The following CPED1 variants were observed in gnomAD, a reference collection of about 807,000 sequenced individuals.
The protein encoded by CPED1 is cadherin like and PC-esterase domain containing 1.
CPED1 carries 114 observed loss-of-function variants against 128.2 expected under a neutral mutation model. The ratio of observed to expected loss-of-function variants is 0.89; its 90% CI spans 0.76 to 1.04. CPED1 has a LOEUF of 1.04. Ranked by LOEUF, CPED1 falls within the 50% of genes least tolerant of loss-of-function variation. The pLI is 0.00. For missense variants in CPED1, 1,211 were observed against 1,207.1 expected (o/e 1.00, Z -0.05); for synonymous variants, 462 against 426.7 (o/e 1.08, Z -1.02).
rs542257360 is a variant in CPED1 at position 121,067,965 on chromosome 7, G to T, written c.616+3652G>T. On this transcript the variant is annotated intron_variant, in intron 5 of 22. Transcript: ENST00000310396. ...TGCCCACTTTTCGATGGGGTTGTTT[G>T]TTTTTTTCTTGTAAATTTGTTTGAG... 1.2e-4 allele frequency among the ~76,000 whole-genome samples: 18 copies of T among 152,134 alleles called. No individual in the cohort carries two copies. In the South Asian group the frequency reaches 3.3e-3, roughly 28 times the overall value.
chr7:121,121,124 C>T lies in CPED1; in HGVS notation c.919-3207C>T, dbSNP rs185051727. ...GGGAGGATGGAGAGAAATAATGAGG[C>T]GGAACCCAGAACATAACATGGGAGG... On this transcript the variant is annotated intron_variant, in intron 7 of 22. Coordinates refer to ENST00000310396, the MANE Select transcript of CPED1 (RefSeq NM_024913.5). 1.2e-3 allele frequency among the ~76,000 whole-genome samples: 182 copies of T among 152,040 alleles called. 2 individuals are homozygous for T. Among genetic ancestry groups the T allele is most frequent in the Non-Finnish European group, 2.5e-4 (17 of 67,968 alleles).
At chr7:121,016,304 C>A (rs1408169584) in intron 3 of CPED1, among the ~76,000 whole-genome samples, 1 of 151,982 alleles carries the variant, frequency 6.6e-6, no homozygotes, top group Non-Finnish European at 1.5e-5. Context: ...TCATATGTAC[C>A]ATTAGTATAT....
intron 5 of CPED1, among the ~76,000 whole-genome samples, chr7:121,067,621 A>G (rs148045031): frequency 0.06 from 9,088 of 152,266 alleles, 326 homozygotes; most frequent in Middle Eastern, 0.12. Context: ...TCCTTTGGGT[A>G]TATACCCAGT....
At chr7:121,104,147 A>G (rs571609347) in intron 7 of CPED1, among the ~76,000 whole-genome samples, 13 of 151,926 alleles carry the variant, frequency 8.6e-5, no homozygotes, top group Admixed American at 1.3e-4. Context: ...AATCAACTCT[A>G]TTTGTTGCTG....
rs1394848746 is a variant in CPED1, at chr7:121,140,216, A to G, written c.1700-611A>G. Reference sequence around the variant, plus strand: ...TATTCTAGATTCTATGACAGGATGGAGCAGAGGATAGTATGTCCTTCTTAT... The same window carrying G: ...TATTCTAGATTCTATGACAGGATGGGGCAGAGGATAGTATGTCCTTCTTAT... On this transcript the variant is annotated intron_variant, in intron 14 of 22. Transcript: ENST00000310396. Among the ~76,000 whole-genome samples, 3 of 152,000 alleles carry G rather than the reference A, an allele frequency of 2.0e-5. No homozygotes were observed. In the East Asian group the frequency reaches 5.8e-4, roughly 29 times the overall value.
rs139132631 is a variant in CPED1, at chr7:121,143,096, A to T, written c.2055+955A>T. Among the ~76,000 whole-genome samples the T allele has an allele frequency of 5.6e-3, 850 of 152,106 alleles. 7 individuals carry two copies. The highest frequency in any genetic ancestry group is 0.019 in the African/African-American group (786 of 41,540). ...GGATTGGTATAATTTTTATTTTTTG[A>T]GGAAAACATATCACTAATTTAGGAA... On this transcript the variant is annotated intron_variant, in intron 16 of 22. Transcript: ENST00000310396.
chr7:121,214,033 A>G (rs1439583869), intron 16 of CPED1, among the ~76,000 whole-genome samples: 1 of 151,868 alleles, frequency 6.6e-6, no homozygotes, highest in Non-Finnish European at 1.5e-5. Flanking sequence ...CTTATCTTTC[A>G]TGATCTAGAC....
intron 3 of CPED1, among the ~76,000 whole-genome samples, chr7:121,045,196 G>A (rs975013130): frequency 6.6e-6 from 1 of 152,102 alleles, no homozygotes; most frequent in African/African-American, 2.4e-5. Flanking sequence ...ACAAGCCTAA[G>A]GCCTGATGGT....
At chr7:121,235,872 T>G (rs1309307498) in intron 16 of CPED1, among the ~76,000 whole-genome samples, 1 of 152,072 alleles carries the variant, frequency 6.6e-6, no homozygotes, top group Non-Finnish European at 1.5e-5. Context: ...ACCTAAAATA[T>G]AAGATGTCTC....
chr7:121,120,376 A>G lies in CPED1; in HGVS notation c.919-3955A>G, dbSNP rs145329097. On this transcript the variant is annotated intron_variant, in intron 7 of 22. Coordinates refer to ENST00000310396, the MANE Select transcript of CPED1 (RefSeq NM_024913.5). ...TGAAGTAATATCTCACTGTGGTTCT[A>G]ATTTGCATTTCCCTAATGATTAGTG... Among the ~76,000 whole-genome samples the G allele has an allele frequency of 2.6e-5, 4 of 152,288 alleles. No homozygotes were observed. The East Asian group carries it at 7.7e-4, about 29-fold the overall frequency.
chr7:121,212,921 T>C (rs1392523084), intron 16 of CPED1, among the ~76,000 whole-genome samples: 1 of 152,004 alleles, frequency 6.6e-6, no homozygotes. Context: ...GTGGAAATTA[T>C]ATGAGTGACC....
rs1793546958 is a variant in CPED1 at position 121,058,059 on chromosome 7, A to G, written c.541-6179A>G. The stretch of plus-strand genomic sequence containing the variant: ...ACAATAGGCCTACAGTAAAGGGAGA[A>G]AGTCTTGGTTGAGGAACGTAAGGAG... On this transcript the variant is annotated intron_variant, in intron 4 of 22. Transcript: ENST00000310396. Among the ~76,000 whole-genome samples, 3 of 152,136 alleles carry G rather than the reference A, an allele frequency of 2.0e-5. No individual in the cohort carries two copies. In the South Asian group the frequency reaches 6.2e-4, roughly 32 times the overall value.
chr7:121,252,346 A>G (rs1203294238), intron 18 of CPED1, among the ~76,000 whole-genome samples: 1 of 152,220 alleles, frequency 6.6e-6, no homozygotes, highest in East Asian at 1.9e-4. Context: ...TGTTAGACCT[A>G]AAACCACAGA....
chr7:121,054,131 G>A (rs1488477351), intron 4 of CPED1, among the ~76,000 whole-genome samples: 1 of 152,164 alleles, frequency 6.6e-6, no homozygotes, highest in African/African-American at 2.4e-5. Context: ...TGCTACTAGG[G>A]TGTCATTGAG....
intron 16 of CPED1, among the ~76,000 whole-genome samples, chr7:121,147,214 T>A (rs1796043568): frequency 6.6e-6 from 1 of 152,128 alleles, no homozygotes; most frequent in South Asian, 2.1e-4. Flanking sequence ...CATTCTTATC[T>A]TTCATCTTTG....
At chr7:121,268,487 G>A (rs903005384) in intron 21 of CPED1, among the ~76,000 whole-genome samples, 1 of 152,050 alleles carries the variant, frequency 6.6e-6, no homozygotes, top group Non-Finnish European at 1.5e-5. Flanking sequence ...GAAGAGGAAG[G>A]GCAAAGAATA....
At chr7:121,002,758 T>C (rs1244347302) in intron 2 of CPED1, among the ~76,000 whole-genome samples, 4 of 152,202 alleles carry the variant, frequency 2.6e-5, no homozygotes. Context: ...TGCGGAAATA[T>C]ATTCTGTCAG....
At chr7:121,080,718 C>T (rs1045881264) in intron 5 of CPED1, among the ~76,000 whole-genome samples, 1 of 152,046 alleles carries the variant, frequency 6.6e-6, no homozygotes, top group African/African-American at 2.4e-5. Flanking sequence ...TTTACACACA[C>T]ACACACACAC....
chr7:121,067,906 T>C (rs1252880558), intron 5 of CPED1, among the ~76,000 whole-genome samples: 2 of 152,272 alleles, frequency 1.3e-5, no homozygotes, highest in African/African-American at 4.8e-5. Flanking sequence ...GCTGCATAAA[T>C]GTCTTCTTTT....
Sources: gnomAD v4.1 joint callset for allele counts (sites outside exome capture counted in the v4.1 genomes callset) on GRCh38, gnomAD v4.1.1 for gene constraint, MANE v1.5 for transcripts, NCBI Gene and HGNC (gene_info 2026-07-23, HGNC 2026-07-21) for gene names.